SLC22A15: variants seen among roughly 807,000 people sequenced by gnomAD.
SLC22A15 encodes solute carrier family 22 member 15.
In SLC22A15, 45 loss-of-function variants were observed where a neutral mutation model predicts 62.7. The ratio of observed to expected loss-of-function variants is 0.72; its 90% CI spans 0.56 to 0.92. The LOEUF (loss-of-function observed/expected upper bound fraction) is 0.92, where lower values mean the gene tolerates loss of function less well. Among genes scored for constraint, SLC22A15 ranks in the 40% least tolerant of loss-of-function variants. SLC22A15 has a pLI of 0.00. For synonymous variants in SLC22A15, 264 were observed against 267.0 expected (o/e 0.99, Z 0.11); for missense variants, 622 against 665.6 (o/e 0.93, Z 0.72).
intron 8 of SLC22A15, among the ~76,000 whole-genome samples, chr1:116,051,228 G>A (rs1658040985): frequency 6.6e-6 from 1 of 152,026 alleles, no homozygotes; most frequent in South Asian, 2.1e-4. Context: ...AAATTCATAT[G>A]GAACCAAAAA....
At chr1:116,051,915 A>G (rs1038163419) in intron 8 of SLC22A15, among the ~76,000 whole-genome samples, 8 of 152,120 alleles carry the variant, frequency 5.3e-5, no homozygotes, top group Non-Finnish European at 1.0e-4. Flanking sequence ...ACAGACTAAG[A>G]AGGAGGAGCC....
chr1:116,020,799 T>A lies in SLC22A15; in HGVS notation c.512T>A (p.Leu171Gln), dbSNP rs371564095. The A allele has an allele frequency of 3.7e-6, 6 of 1,613,802 alleles. No individual in the cohort carries two copies. In the African/African-American group the frequency reaches 6.7e-5, roughly 18 times the overall value. The change falls in exon 4 of 12, where the codon CTG becomes CAG. Residue 171 changes from leucine (L) to glutamine (Q), a missense_variant. By Grantham distance (113) the Leu-to-Gln change is moderately radical. Transcript: ENST00000369503. The part of the protein sequence containing the change: ...SYEFFAVTRF[L>Q]VGMMNGGMSL... Reference sequence around the variant, plus strand: ...GAGTTCTTTGCAGTAACTCGCTTCCTGGTGGGCATGATGAATGGAGGGATG... The same window carrying A: ...GAGTTCTTTGCAGTAACTCGCTTCCAGGTGGGCATGATGAATGGAGGGATG...
intron 2 of SLC22A15, among the ~76,000 whole-genome samples, chr1:116,008,981 A>C (rs1315703175): frequency 2.0e-5 from 3 of 152,244 alleles, no homozygotes; most frequent in Non-Finnish European, 4.4e-5. Context: ...CGGTGGAAGT[A>C]GTAATGATTA....
rs956214275 is a variant in SLC22A15, at chr1:116,054,603, AT to A, written c.1172-8152del. Among the ~76,000 whole-genome samples, 7 of 152,138 alleles carry A rather than the reference AT, an allele frequency of 4.6e-5. No homozygotes were observed. In the East Asian group the frequency reaches 7.7e-4, roughly 17 times the overall value. On this transcript the variant is annotated intron_variant, in intron 8 of 11. Coordinates refer to ENST00000369503, the MANE Select transcript of SLC22A15 (RefSeq NM_018420.3). ...TCCACCCCAAATCAACAGAATATAC[AT>A]TTTTTTGAGCACCACACCACACCTA...
At chr1:116,032,520 A>G (rs1383191419) in intron 6 of SLC22A15, 2 of 984,514 alleles carry the variant, frequency 2.0e-6, no homozygotes, top group African/African-American at 3.5e-5. Flanking sequence ...GCTACAAAGA[A>G]TAGTAGCTTT....
At chr1:115,995,631 C>T (rs1655383865) in intron 2 of SLC22A15, among the ~76,000 whole-genome samples, 1 of 152,202 alleles carries the variant, frequency 6.6e-6, no homozygotes, top group Non-Finnish European at 1.5e-5. Flanking sequence ...AGAGCCCTTT[C>T]TCTCCCTTGT....
chr1:116,038,628 G>A (rs913133854), intron 8 of SLC22A15, among the ~76,000 whole-genome samples: 3 of 152,240 alleles, frequency 2.0e-5, no homozygotes, highest in African/African-American at 7.2e-5. Flanking sequence ...CTAAGTAGAG[G>A]AGGAACTCCC....
At chr1:115,996,523 G>A (rs116829248) in intron 2 of SLC22A15, among the ~76,000 whole-genome samples, 3 of 148,354 alleles carry the variant, frequency 2.0e-5, no homozygotes, top group Non-Finnish European at 4.5e-5. Flanking sequence ...CCCTGAACAT[G>A]TTTTTAGATT....
chr1:116,059,935 T>G (rs909873290), intron 8 of SLC22A15, among the ~76,000 whole-genome samples: 18 of 152,232 alleles, frequency 1.2e-4, no homozygotes, highest in Non-Finnish European at 1.3e-4. Flanking sequence ...TATAACCTCC[T>G]TGAGTTAGTA....
chr1:116,066,481 T>C (rs1342762143), intron 10 of SLC22A15, 39 bp from the exon 11 acceptor site: 1 of 1,499,452 alleles, frequency 6.7e-7, no homozygotes, highest in Non-Finnish European at 9.0e-7. Flanking sequence ...AGGAAACTAA[T>C]TCTCTGGTTT....
At chr1:116,062,224 A>G (rs941092879) in intron 8 of SLC22A15, among the ~76,000 whole-genome samples, 1 of 152,154 alleles carries the variant, frequency 6.6e-6, no homozygotes, top group African/African-American at 2.4e-5. Flanking sequence ...AACAGAAAGA[A>G]AGAACATTAA....
intron 3 of SLC22A15, among the ~76,000 whole-genome samples, chr1:116,020,410 A>C (rs1284132341): frequency 6.6e-6 from 1 of 151,584 alleles, no homozygotes; most frequent in Non-Finnish European, 1.5e-5. Flanking sequence ...AAAAAATTTA[A>C]CCAGGCATGG....
intron 8 of SLC22A15, among the ~76,000 whole-genome samples, chr1:116,045,663 C>CG: frequency 7.7e-6 from 1 of 129,828 alleles, no homozygotes; most frequent in African/African-American, 2.8e-5. Context: ...TGCTTGAACC[C>CG]GGGGGGTAGA....
chr1:115,977,706 A>C (rs1654386028), intron 1 of SLC22A15, among the ~76,000 whole-genome samples: 2 of 152,242 alleles, frequency 1.3e-5, no homozygotes, highest in South Asian at 4.1e-4. Flanking sequence ...CGGGTGGGGC[A>C]GGCAGACAGT....
Position 116,035,138 on chromosome 1 carries a change from G to A in SLC22A15, c.945-49G>A, listed in dbSNP as rs147611174. 9.4e-4 allele frequency: 1,490 copies of A among 1,580,738 alleles called. 6 individuals carry two copies. The African/African-American group carries it at 0.018, about 19-fold the overall frequency. ...CTGGCAAATTCTTATGTACTTTTCT[G>A]TTGTCCTTCTTGTCTTTTACCTCCT... On this transcript the variant is annotated intron_variant, in intron 6 of 11. Transcript: ENST00000369503.
At position 116,026,964 on chromosome 1, in the gene SLC22A15, T is replaced by G; in HGVS notation, c.670T>G (p.Trp224Gly). 3 of 1,613,934 alleles carry G rather than the reference T, an allele frequency of 1.9e-6. No individual in the cohort carries two copies. Among genetic ancestry groups the G allele is most frequent in the Non-Finnish European group, 2.5e-6 (3 of 1,179,802 alleles). The change falls in exon 5 of 12, where the codon TGG becomes GGG. Residue 224 changes from tryptophan (W) to glycine (G), a missense_variant. By Grantham distance (184) the Trp-to-Gly change is radical. Coordinates refer to ENST00000369503, the MANE Select transcript of SLC22A15 (RefSeq NM_018420.3). ...CCTGTTAGGATACTTCATCCGCTCC[T>G]GGAGGACCCTAGCCATTCTGGTTAA... ...YALLGYFIRS[W>G]RTLAILVNLQ...
At chr1:115,979,326 T>G (rs1248403817) in intron 1 of SLC22A15, among the ~76,000 whole-genome samples, 1 of 152,180 alleles carries the variant, frequency 6.6e-6, no homozygotes, top group Non-Finnish European at 1.5e-5. Flanking sequence ...CAAACACAAT[T>G]TTTGGAATCT....
At chr1:116,032,537 A>G (rs1657457653) in intron 6 of SLC22A15, 1 of 985,272 alleles carries the variant, frequency 1.0e-6, no homozygotes, top group Non-Finnish European at 1.2e-6. Flanking sequence ...CTTTAGAATA[A>G]GAAGCTGCAA....
chr1:116,059,175 C>A (rs1658310120), intron 8 of SLC22A15, among the ~76,000 whole-genome samples: 3 of 152,148 alleles, frequency 2.0e-5, no homozygotes. Flanking sequence ...ACAAAAATTA[C>A]AGAGACCGCA....
Sources: allele counts gnomAD v4.1 joint callset (sites outside exome capture counted in the v4.1 genomes callset), GRCh38; gene constraint gnomAD v4.1.1; transcripts MANE v1.5; gene names NCBI Gene and HGNC (gene_info 2026-07-23, HGNC 2026-07-21).